MLLT10: variants seen among roughly 807,000 people sequenced by gnomAD.
MLLT10 encodes the protein protein AF-10.
MLLT10 carries 30 observed loss-of-function variants against 129.1 expected under a neutral mutation model. The observed-to-expected ratio is 0.23, with a 90% CI of 0.17 to 0.32. The LOEUF (loss-of-function observed/expected upper bound fraction) is 0.32. Among genes scored for constraint, MLLT10 ranks in the 10% least tolerant of loss-of-function variants. The pLI is 1.00. For synonymous variants in MLLT10, 490 were observed against 446.4 expected (o/e 1.10, Z -1.23); for missense variants, 1,119 against 1,268.3 (o/e 0.88, Z 1.79).
chr10:21,566,659 C>A (rs2039614267), intron 3 of MLLT10, among the ~76,000 whole-genome samples: 1 of 151,762 alleles, frequency 6.6e-6, no homozygotes, highest in African/African-American at 2.4e-5. Context: ...GTTTTTCTTG[C>A]TTTCTTTTGG....
chr10:21,700,728 T>C (rs2054827256), intron 13 of MLLT10, among the ~76,000 whole-genome samples: 1 of 152,200 alleles, frequency 6.6e-6, no homozygotes, highest in Non-Finnish European at 1.5e-5. Context: ...TGATGTTTTG[T>C]TGAATTCGGT....
At chr10:21,715,694 G>A (rs2056495985) in intron 14 of MLLT10, among the ~76,000 whole-genome samples, 1 of 152,160 alleles carries the variant, frequency 6.6e-6, no homozygotes, top group Admixed American at 6.5e-5. Flanking sequence ...TGAGCCAGGG[G>A]GTTGGCATTA....
At chr10:21,673,299 T>TGGGGGGGGGG in intron 10 of MLLT10, 51 bp from the exon 11 acceptor site, 1 of 774,318 alleles carries the variant, frequency 1.3e-6, no homozygotes, top group Non-Finnish European at 1.9e-6. Context: ...CCAATTTTTC[T>TGGGGGGGGGG]GTCCCCCCCA....
At position 21,636,426 on chromosome 10, in the gene MLLT10, G is replaced by A. The variant is rs911045398; in HGVS notation, c.700-15247G>A. ...ATTACAGGGTTGAGCCACTGCGACC[G>A]GCCCATGATTTTTTTATATTTTCAT... is the stretch of plus-strand genomic sequence containing the variant. On this transcript the variant is annotated intron_variant, in intron 8 of 22. Coordinates refer to ENST00000307729, the MANE Select transcript of MLLT10 (RefSeq NM_001195626.3). 3.9e-5 allele frequency among the ~76,000 whole-genome samples: 6 copies of A among 151,996 alleles called. No individual in the cohort carries two copies. The East Asian group carries it at 7.7e-4, about 20-fold the overall frequency.
At chr10:21,582,150 CTCTT>C (rs2041529061) in intron 3 of MLLT10, among the ~76,000 whole-genome samples, 2 of 150,864 alleles carry the variant, frequency 1.3e-5, no homozygotes, top group African/African-American at 4.9e-5. Flanking sequence ...GAGGTGGAGT[CTCTT>C]TCTCTGTTGC....
At chr10:21,613,961 C>T (rs532357805) in intron 6 of MLLT10, among the ~76,000 whole-genome samples, 45 of 151,736 alleles carry the variant, frequency 3.0e-4, no homozygotes, top group Admixed American at 2.0e-3. Context: ...GTGGCTATGC[C>T]TGTAATCCCA....
intron 13 of MLLT10, among the ~76,000 whole-genome samples, chr10:21,689,561 A>ATATATGTGTATATATATATATATATG (rs1554850022): frequency 1.1e-5 from 1 of 90,142 alleles, no homozygotes; most frequent in African/African-American, 4.5e-5. Flanking sequence ...ATATATATAT[A>ATATATGTGTATATATATATATATATG]TATGTATATA....
intron 3 of MLLT10, among the ~76,000 whole-genome samples, chr10:21,557,395 G>A (rs190674793): frequency 4.8e-4 from 73 of 152,220 alleles, no homozygotes; most frequent in Admixed American, 9.2e-4. Flanking sequence ...TCTCCCTTGC[G>A]TATCTGGTAT....
chr10:21,625,839 A>G (rs2046376859), intron 8 of MLLT10: 2 of 775,682 alleles, frequency 2.6e-6, no homozygotes, highest in African/African-American at 3.4e-5. Context: ...TTCTGACCAG[A>G]CAGTGGATCT....
intron 8 of MLLT10, among the ~76,000 whole-genome samples, chr10:21,631,313 CAAAAAAA>C (rs991306894): frequency 2.1e-5 from 1 of 47,776 alleles, no homozygotes; most frequent in South Asian, 8.5e-4. Flanking sequence ...GACTCCGTCT[CAAAAAAA>C]AAAAAAAAAA....
intron 2 of MLLT10, 152 bp from the exon 3 acceptor site, chr10:21,538,681 T>C: frequency 1.9e-6 from 1 of 535,972 alleles, no homozygotes; most frequent in Non-Finnish European, 3.3e-6. Flanking sequence ...AAGCTGTATA[T>C]GTGATAAATA....
intron 5 of MLLT10, among the ~76,000 whole-genome samples, chr10:21,597,454 C>G (rs1364317864): frequency 1.2e-4 from 18 of 152,174 alleles, no homozygotes; most frequent in Admixed American, 1.2e-3. Context: ...ACTGCAGCCT[C>G]CACCTCCTGG....
At chr10:21,706,486 TCA>T (rs985406975) in intron 13 of MLLT10, among the ~76,000 whole-genome samples, 3 of 152,244 alleles carry the variant, frequency 2.0e-5, no homozygotes, top group African/African-American at 7.2e-5. Flanking sequence ...TTAACTATTT[TCA>T]CACCATATTA....
chr10:21,632,647 G>C (rs1469876778), intron 8 of MLLT10, among the ~76,000 whole-genome samples: 1 of 152,132 alleles, frequency 6.6e-6, no homozygotes, highest in African/African-American at 2.4e-5. Context: ...TTAAAGTTTT[G>C]TATTTGGGGG....
At chr10:21,625,781 TC>T (rs2046371684) in intron 8 of MLLT10, 6 of 768,246 alleles carry the variant, frequency 7.8e-6, no homozygotes, top group Non-Finnish European at 1.5e-5. Context: ...TTTCACAGCT[TC>T]CTGTGCAGCT....
intron 11 of MLLT10, among the ~76,000 whole-genome samples, chr10:21,675,007 A>G (rs2051935297): frequency 6.6e-6 from 1 of 152,242 alleles, no homozygotes; most frequent in African/African-American, 2.4e-5. Context: ...GACCAGTCCA[A>G]GAGAGAGAAT....
Position 21,684,394 on chromosome 10 carries a change from C to T in MLLT10, c.1699+2137C>T, listed in dbSNP as rs186457274. Among the ~76,000 whole-genome samples, 376 of 152,248 alleles carry T rather than the reference C, an allele frequency of 2.5e-3. 2 individuals are homozygous for T. The highest frequency in any genetic ancestry group is 9.0e-3 in the African/African-American group (372 of 41,552). Reference sequence around the variant, plus strand: ...TCTCCTGAGTTGCAGACTTATATTTCGAAAAACCTAATAAGCTTCATTTCC... The same window carrying T: ...TCTCCTGAGTTGCAGACTTATATTTTGAAAAACCTAATAAGCTTCATTTCC... On this transcript the variant is annotated intron_variant, in intron 13 of 22. Coordinates refer to ENST00000307729, the MANE Select transcript of MLLT10 (RefSeq NM_001195626.3).
chr10:21,652,554 A>G (rs1457556817), intron 9 of MLLT10, among the ~76,000 whole-genome samples: 1 of 152,232 alleles, frequency 6.6e-6, no homozygotes, highest in Non-Finnish European at 1.5e-5. Flanking sequence ...TCTTGTGGTT[A>G]ATATGAAAAC....
chr10:21,622,549 G>A (rs531802945), intron 8 of MLLT10, among the ~76,000 whole-genome samples: 2 of 152,136 alleles, frequency 1.3e-5, no homozygotes, highest in East Asian at 3.9e-4. Context: ...AATTAAAGCT[G>A]TGCCTATCAG....
Sources: gnomAD v4.1 joint callset for allele counts (sites outside exome capture counted in the v4.1 genomes callset) on GRCh38, gnomAD v4.1.1 for gene constraint, MANE v1.5 for transcripts, NCBI Gene and HGNC (gene_info 2026-07-23, HGNC 2026-07-21) for gene names.